Variants in MYO5C observed in about 807,000 individuals in gnomAD.
MYO5C encodes unconventional myosin-Vc.
MYO5C carries 194 observed loss-of-function variants against 235.7 expected under a neutral mutation model. The observed-to-expected ratio is 0.82, with a 90% confidence interval of 0.73 to 0.93. The LOEUF (loss-of-function observed/expected upper bound fraction) is 0.93, where lower values mean the gene tolerates loss of function less well. Among genes scored for constraint, MYO5C ranks in the 40% least tolerant of loss-of-function variants. The probability of loss-of-function intolerance (pLI) is 0.00; values close to 1 mark genes in which losing one functional copy is unlikely to be tolerated. For synonymous variants in MYO5C, 707 were observed against 754.8 expected (o/e 0.94, Z 1.04); for missense variants, 2,038 against 2,127.2 (o/e 0.96, Z 0.82).
At chr15:52,224,118 A>C (rs1566968547) in intron 28 of MYO5C, among the ~76,000 whole-genome samples, 1 of 152,162 alleles carries the variant, frequency 6.6e-6, no homozygotes, top group African/African-American at 2.4e-5. Flanking sequence ...TCCCGTCTCT[A>C]CTAAAAATAC....
chr15:52,216,518 C>A (rs1455604438), intron 32 of MYO5C, among the ~76,000 whole-genome samples: 1 of 152,026 alleles, frequency 6.6e-6, no homozygotes, highest in Non-Finnish European at 1.5e-5. Context: ...AGGCCCAGGT[C>A]TCTGTTAATT....
In MYO5C at chr15:52,225,551, G is replaced by T; in HGVS notation, c.3208-19C>A. The T allele has an allele frequency of 6.4e-7, 1 of 1,561,042 alleles. No individual in the cohort carries two copies. Among genetic ancestry groups the T allele is most frequent in the Non-Finnish European group, 8.8e-7 (1 of 1,133,362 alleles). Reference sequence around the variant, plus strand: ...AGATTGTCTGAATCACAGCAATGACGGAATCAGGTAAAGAAAAAACAACGA... The same window carrying T: ...AGATTGTCTGAATCACAGCAATGACTGAATCAGGTAAAGAAAAAACAACGA... On this transcript the variant is annotated intron_variant, in intron 25 of 40. Transcript: ENST00000261839.
intron 38 of MYO5C, 80 bp downstream of exon 38, chr15:52,204,785 G>T: frequency 3.3e-6 from 5 of 1,502,020 alleles, no homozygotes; most frequent in South Asian, 2.5e-5. Context: ...AGCAGGGAGG[G>T]TCAGGCGCGT....
Position 52,205,056 on chromosome 15 carries a change from C to T in MYO5C, c.4629G>A (p.Thr1543=), listed in dbSNP as rs757910104. The change falls in exon 38 of 41, where the codon ACG becomes ACA. Residue 1543 remains threonine (T), a synonymous_variant. Coordinates refer to ENST00000261839, the MANE Select transcript of MYO5C (RefSeq NM_018728.4). The part of the protein sequence containing the change: ...FRKRSSSIDD[T]DGYTMTSVLQ... ...GGACGGAGGTCATGGTGTAGCCGTC[C>T]GTGTCGTCTATGCTAGAGGAGCGCT... The T allele has an allele frequency of 6.8e-6, 11 of 1,614,048 alleles. No individual in the cohort carries two copies. Among genetic ancestry groups the T allele is most frequent in the Admixed American group, 3.3e-5 (2 of 60,004 alleles).
intron 25 of MYO5C, 88 bp from the exon 26 acceptor site, chr15:52,225,620 G>A (rs923243006): frequency 2.7e-5 from 24 of 899,820 alleles, no homozygotes; most frequent in East Asian, 4.9e-5. Context: ...ACAGCGTTGC[G>A]TGTCTATGCA....
chr15:52,218,436 C>T (rs1307069834), intron 32 of MYO5C, 83 bp downstream of exon 32: 2 of 1,319,984 alleles, frequency 1.5e-6, no homozygotes, highest in Admixed American at 1.9e-5. Context: ...AGATGTTAAT[C>T]ATATGCTTTA....
At chr15:52,274,592 A>G (rs1360740506) in intron 5 of MYO5C, among the ~76,000 whole-genome samples, 1 of 151,158 alleles carries the variant, frequency 6.6e-6, no homozygotes, top group Non-Finnish European at 1.5e-5. Context: ...TAACTTTTCT[A>G]TTGGTATCTT....
intron 17 of MYO5C, among the ~76,000 whole-genome samples, 194 bp from the exon 18 acceptor site, chr15:52,245,659 C>A (rs2036323386): frequency 6.6e-6 from 1 of 152,182 alleles, no homozygotes; most frequent in African/African-American, 2.4e-5. Flanking sequence ...CCTGTCTGCC[C>A]CAGCAATTGT....
At chr15:52,268,315 A>G (rs1458103767) in intron 8 of MYO5C, among the ~76,000 whole-genome samples, 4 of 152,248 alleles carry the variant, frequency 2.6e-5, no homozygotes, top group Non-Finnish European at 5.9e-5. Flanking sequence ...CTGTAATCCC[A>G]GCATTTTGGG....
chr15:52,275,580 T>A lies in MYO5C; in HGVS notation c.588A>T (p.Ala196=). 1 of 1,614,212 alleles carries A rather than the reference T, an allele frequency of 6.2e-7. No homozygotes were observed. The highest frequency in any genetic ancestry group is 8.5e-7 in the Non-Finnish European group (1 of 1,180,046). ...TACGCACCTCGGTGATGGGATTGGA[T>A]GCCAGGACCTTGTCTTCCACGTGAG... ...SNAHVEDKVL[A]SNPITEAVGN... Residue 196 remains alanine, a synonymous_variant, in exon 5 of 41, where the codon GCA becomes GCT. Transcript: ENST00000261839.
rs1371057918 is a variant in MYO5C at position 52,211,748 on chromosome 15, G to A, written c.4278C>T (p.Gly1426=). 1 of 1,613,750 alleles carries A rather than the reference G, an allele frequency of 6.2e-7. No individual in the cohort carries two copies. Among genetic ancestry groups the A allele is most frequent in the East Asian group, 2.2e-5 (1 of 44,900 alleles). The change falls in exon 35 of 41, where the codon GGC becomes GGT. Residue 1426 remains glycine (G), a synonymous_variant. Transcript: ENST00000261839. ...TTCCTACCTTAACCACCTGCTTGATGCCATTAATGGTGCTGTTCATGAGGG... is the reference window on the plus strand; with the variant it reads ...TTCCTACCTTAACCACCTGCTTGATACCATTAATGGTGCTGTTCATGAGGG... ...LKSLMNSTIN[G]IKQVVKEHLE...
intron 23 of MYO5C, 31 bp from the exon 24 acceptor site, chr15:52,232,716 T>C (rs1326324252): frequency 1.0e-5 from 16 of 1,581,250 alleles, no homozygotes. Flanking sequence ...TTGAGATATG[T>C]CTGCCAAATC....
chr15:52,211,763 G>A lies in MYO5C; in HGVS notation c.4263C>T (p.Asn1421=), dbSNP rs559584100. ...CCTGCTTGATGCCATTAATGGTGCT[G>A]TTCATGAGGGACTTCAGCATGTTGG... ...NDANMLKSLM[N]STINGIKQVV... Residue 1421 remains asparagine (N), a synonymous_variant, in exon 35 of 41, where the codon AAC becomes AAT. Coordinates refer to ENST00000261839, the MANE Select transcript of MYO5C (RefSeq NM_018728.4). 1.1e-5 allele frequency: 17 copies of A among 1,614,138 alleles called. No homozygotes were observed. The South Asian group carries it at 1.8e-4, about 17-fold the overall frequency.
At chr15:52,283,576 A>G (rs1378158602) in intron 1 of MYO5C, among the ~76,000 whole-genome samples, 3 of 152,110 alleles carry the variant, frequency 2.0e-5, no homozygotes, top group East Asian at 1.9e-4. Context: ...CCCCAAATTC[A>G]TATGTTGAAG....
At position 52,194,044 on chromosome 15, in the gene MYO5C, T is replaced by C. The variant is rs768746852; in HGVS notation, c.5087A>G (p.Asn1696Ser). Residue 1696 changes from asparagine to serine, a missense_variant, in exon 41 of 41, where the codon AAT (asparagine) becomes AGT (serine). Asn to Ser is a conservative substitution (Grantham distance 46, BLOSUM62 1). Transcript: ENST00000261839. ...SFVRKVQALL[N>S]SREDSSQLML... ...CAGCTGTGATGAATCCTCCCGGCTA[T>C]TTAGGAGAGCCTGAAATTAGAATCA... The C allele has an allele frequency of 1.1e-5, 17 of 1,609,588 alleles. No individual in the cohort carries two copies. The South Asian group carries it at 1.8e-4, about 17-fold the overall frequency.
At chr15:52,241,250 CTTTTTTTTTTTT>C (rs71130143) in intron 20 of MYO5C, among the ~76,000 whole-genome samples, 1 of 59,622 alleles carries the variant, frequency 1.7e-5, no homozygotes, top group African/African-American at 6.9e-5. Flanking sequence ...GTGGGCTAAT[CTTTTTTTTTTTT>C]TTTTTTTTTT....
At chr15:52,194,788 C>T (rs2035010652) in intron 40 of MYO5C, among the ~76,000 whole-genome samples, 1 of 151,536 alleles carries the variant, frequency 6.6e-6, no homozygotes, top group African/African-American at 2.4e-5. Flanking sequence ...TATATATCTG[C>T]TTCTGCATTC....
intron 23 of MYO5C, among the ~76,000 whole-genome samples, chr15:52,234,585 C>T (rs1424428498): frequency 6.6e-6 from 1 of 152,138 alleles, no homozygotes; most frequent in African/African-American, 2.4e-5. Flanking sequence ...GGTTTACTCC[C>T]GGACCTCTGA....
chr15:52,283,469 C>G (rs1227903468), intron 1 of MYO5C, among the ~76,000 whole-genome samples: 2 of 152,216 alleles, frequency 1.3e-5, no homozygotes, highest in East Asian at 3.9e-4. Flanking sequence ...GACACAGCCA[C>G]CCAGCTCAAT....
Sources: gnomAD v4.1 joint callset for allele counts (sites outside exome capture counted in the v4.1 genomes callset) on GRCh38, gnomAD v4.1.1 for gene constraint, MANE v1.5 for transcripts, NCBI Gene and HGNC (gene_info 2026-07-23, HGNC 2026-07-21) for gene names.